MGRN1: variants seen among roughly 807,000 people sequenced by gnomAD.
MGRN1 encodes the protein E3 ubiquitin-protein ligase MGRN1.
Under a neutral mutation model 69.2 loss-of-function variants are expected in MGRN1, and 29 were observed. The ratio of observed to expected loss-of-function variants is 0.42; its 90% confidence interval spans 0.31 to 0.57. MGRN1 has a LOEUF of 0.57. Ranked by LOEUF, MGRN1 falls within the 20% of genes least tolerant of loss-of-function variation. The pLI is 0.15. For synonymous variants in MGRN1, 470 were observed against 344.2 expected, an observed-to-expected ratio of 1.37 and a Z score of -4.04; for missense variants, 998 against 796.2, an observed-to-expected ratio of 1.25 and a Z score of -3.05.
intron 14 of MGRN1, 111 bp from the exon 15 acceptor site, chr16:4,683,113 C>G: frequency 6.5e-7 from 1 of 1,529,064 alleles, no homozygotes; most frequent in Non-Finnish European, 9.0e-7. Flanking sequence ...GGCAGCACCC[C>G]CTGGTGGAGC....
At chr16:4,674,038 T>C (rs1206398625) in intron 10 of MGRN1, among the ~76,000 whole-genome samples, 2 of 151,928 alleles carry the variant, frequency 1.3e-5, no homozygotes, top group African/African-American at 4.8e-5. Flanking sequence ...AGGCTGGAGT[T>C]CAGTAGCGAG....
At chr16:4,625,696 G>A (rs1760023891) in intron 1 of MGRN1, among the ~76,000 whole-genome samples, 1 of 152,242 alleles carries the variant, frequency 6.6e-6, no homozygotes, top group Non-Finnish European at 1.5e-5. Flanking sequence ...CAGCTGGATG[G>A]AAGCATAGTT....
chr16:4,673,740 C>T (rs1274350453), intron 10 of MGRN1, 83 bp downstream of exon 10: 14 of 1,513,002 alleles, frequency 9.3e-6, no homozygotes, highest in South Asian at 1.2e-5. Context: ...GATAGGGGGC[C>T]ACAGGTCCGT....
At chr16:4,654,027 C>G (rs1005300281) in intron 4 of MGRN1, among the ~76,000 whole-genome samples, 1 of 152,210 alleles carries the variant, frequency 6.6e-6, no homozygotes. Context: ...GCTGAGATTA[C>G]AGCCGTGAGC....
intron 1 of MGRN1, among the ~76,000 whole-genome samples, chr16:4,630,609 G>A (rs572032137): frequency 2.0e-4 from 31 of 151,586 alleles, no homozygotes; most frequent in Admixed American, 3.3e-4. Flanking sequence ...CACCACGCCC[G>A]GCTAATTTTT....
At chr16:4,652,169 T>C (rs1356395748) in intron 3 of MGRN1, 118 bp downstream of exon 3, 1 of 919,196 alleles carries the variant, frequency 1.1e-6, no homozygotes. Flanking sequence ...TTCTGCGCCC[T>C]CCCGTGTGGA....
intron 2 of MGRN1, chr16:4,650,769 A>G (rs558932661): frequency 6.6e-6 from 2 of 302,854 alleles, no homozygotes; most frequent in South Asian, 1.3e-4. Flanking sequence ...AACATGGTGG[A>G]TTTGATTCCA....
intron 4 of MGRN1, among the ~76,000 whole-genome samples, chr16:4,655,919 CTG>C (rs1249993025): frequency 1.3e-5 from 2 of 152,264 alleles, no homozygotes; most frequent in African/African-American, 2.4e-5. Context: ...GGCGTCTTAA[CTG>C]TGCCTTTTAC....
At chr16:4,686,275 C>T (rs758199322) in intron 16 of MGRN1, 5 of 1,544,902 alleles carry the variant, frequency 3.2e-6, no homozygotes, top group Non-Finnish European at 3.5e-6. Context: ...GGCCCGACTC[C>T]TGCTCTGTTG....
intron 1 of MGRN1, among the ~76,000 whole-genome samples, chr16:4,645,699 G>C (rs13330902): frequency 0.042 from 6,445 of 152,254 alleles, 465 homozygotes; most frequent in African/African-American, 0.15. Flanking sequence ...GGAAGAGCTG[G>C]ATGAGCTGAG....
chr16:4,654,296 A>G (rs1364422399), intron 4 of MGRN1, among the ~76,000 whole-genome samples: 1 of 152,222 alleles, frequency 6.6e-6, no homozygotes, highest in Non-Finnish European at 1.5e-5. Context: ...TGCTGAGGAA[A>G]TGACAAGGGT....
intron 12 of MGRN1, among the ~76,000 whole-genome samples, chr16:4,680,960 G>A (rs1270045631): frequency 6.6e-6 from 1 of 152,194 alleles, no homozygotes; most frequent in African/African-American, 2.4e-5. Flanking sequence ...AGGGGCCCCC[G>A]CAGTCTGACT....
At chr16:4,679,249 C>T (rs2079122449) in intron 11 of MGRN1, among the ~76,000 whole-genome samples, 1 of 152,212 alleles carries the variant, frequency 6.6e-6, no homozygotes, top group South Asian at 2.1e-4. Flanking sequence ...TTTATTGTCC[C>T]TTGTTTTTGC....
Position 4,668,272 on chromosome 16 carries a change from A to G in MGRN1, c.686A>G (p.Asp229Gly). ...VLLAAFEKHM[D>G]GSFSVKPLKQ... ...TGTCTTTCTCCCCTGCAGCACATGGACGGCAGCTTCTCTGTGAAGCCTTTA... is the reference window on the plus strand; with the variant it reads ...TGTCTTTCTCCCCTGCAGCACATGGGCGGCAGCTTCTCTGTGAAGCCTTTA... Residue 229 changes from aspartate (D) to glycine (G), a missense_variant, in exon 8 of 17, where the codon GAC becomes GGC. Transcript: ENST00000262370. 6.2e-7 allele frequency: 1 copy of G among 1,613,908 alleles called. No individual in the cohort carries two copies. Among genetic ancestry groups the G allele is most frequent in the Non-Finnish European group, 8.5e-7 (1 of 1,179,940 alleles).
At chr16:4,629,702 G>A (rs867041900) in intron 1 of MGRN1, among the ~76,000 whole-genome samples, 7 of 149,306 alleles carry the variant, frequency 4.7e-5, no homozygotes, top group African/African-American at 1.5e-4. Context: ...TCGCGCCACT[G>A]CACTCCAGCC....
intron 1 of MGRN1, among the ~76,000 whole-genome samples, chr16:4,631,810 C>G (rs1231180985): frequency 6.6e-6 from 1 of 152,094 alleles, no homozygotes; most frequent in African/African-American, 2.4e-5. Context: ...ATATATAAAT[C>G]TATGTGGTGA....
intron 16 of MGRN1, chr16:4,688,349 C>T: frequency 4.0e-6 from 4 of 991,960 alleles, no homozygotes; most frequent in Non-Finnish European, 3.6e-6. Flanking sequence ...CCGGGGGCTA[C>T]TCTGAGCACG....
At chr16:4,631,222 C>T (rs1180639135) in intron 1 of MGRN1, among the ~76,000 whole-genome samples, 1 of 152,174 alleles carries the variant, frequency 6.6e-6, no homozygotes, top group Non-Finnish European at 1.5e-5. Context: ...TAGAGACTAT[C>T]ATCTTCCCAT....
At chr16:4,625,995 A>G (rs1444459714) in intron 1 of MGRN1, among the ~76,000 whole-genome samples, 1 of 152,256 alleles carries the variant, frequency 6.6e-6, no homozygotes, top group East Asian at 1.9e-4. Context: ...AGTGTGGGCC[A>G]GGTCCACAAG....
Sources: allele counts gnomAD v4.1 joint callset (sites outside exome capture counted in the v4.1 genomes callset), GRCh38; gene constraint gnomAD v4.1.1; transcripts MANE v1.5; gene names NCBI Gene and HGNC (gene_info 2026-07-23, HGNC 2026-07-21).